ANO2: variants seen among roughly 807,000 people sequenced by gnomAD.
The protein encoded by ANO2 is anoctamin 2.
ANO2 carries 101 observed loss-of-function variants against 124.2 expected under a neutral mutation model. The observed-to-expected ratio is 0.81, with a 90% CI of 0.69 to 0.96. ANO2 has a LOEUF of 0.96. Ranked by LOEUF, ANO2 falls within the 40% of genes least tolerant of loss-of-function variation. ANO2 has a pLI of 0.00. For synonymous variants in ANO2, 486 were observed against 482.5 expected, an observed-to-expected ratio of 1.01 and a Z score of -0.09; for missense variants, 1,293 against 1,274.5, an observed-to-expected ratio of 1.01 and a Z score of -0.22.
chr12:5,592,299 C>T (rs1005617425), intron 20 of ANO2, among the ~76,000 whole-genome samples: 9 of 152,122 alleles, frequency 5.9e-5, no homozygotes, highest in African/African-American at 2.2e-4. Context: ...GTCCCCAAAG[C>T]ACTCACATGT....
chr12:5,650,254 T>G (rs17723439), intron 14 of ANO2, among the ~76,000 whole-genome samples: 6,966 of 152,252 alleles, frequency 0.046, 207 homozygotes, highest in Non-Finnish European at 0.057. Flanking sequence ...CTAAACCAGA[T>G]TAGGAAGGTG....
intron 15 of ANO2, among the ~76,000 whole-genome samples, chr12:5,638,237 C>CTTTTTCTTTTTTTT: frequency 8.0e-6 from 1 of 124,868 alleles, no homozygotes; most frequent in East Asian, 2.7e-4. Context: ...GTTTCTTTTC[C>CTTTTTCTTTTTTTT]TTTTTTTTTT....
At chr12:5,884,405 C>A (rs1378909084) in intron 3 of ANO2, among the ~76,000 whole-genome samples, 9 of 152,232 alleles carry the variant, frequency 5.9e-5, no homozygotes, top group Non-Finnish European at 1.3e-4. Flanking sequence ...TCCCCTTCCC[C>A]CATGGCCCTA....
chr12:5,733,152 C>A, intron 13 of ANO2: 1 of 543,622 alleles, frequency 1.8e-6, no homozygotes, highest in Non-Finnish European at 3.3e-6. Context: ...CAATAAACAT[C>A]AAAGTCAAGG....
At chr12:5,666,099 T>G (rs1482588154) in intron 14 of ANO2, among the ~76,000 whole-genome samples, 2 of 152,220 alleles carry the variant, frequency 1.3e-5, no homozygotes, top group Admixed American at 1.3e-4. Flanking sequence ...ATCCTGGACA[T>G]GCCAGGTCAG....
At chr12:5,804,413 G>A (rs924374714) in intron 9 of ANO2, among the ~76,000 whole-genome samples, 8 of 152,086 alleles carry the variant, frequency 5.3e-5, no homozygotes, top group Non-Finnish European at 1.0e-4. Context: ...TTCTCTCCTG[G>A]CTAGGTATCA....
intron 19 of ANO2, among the ~76,000 whole-genome samples, chr12:5,606,768 GCA>G (rs142578167): frequency 6.6e-6 from 1 of 151,904 alleles, no homozygotes; most frequent in African/African-American, 2.4e-5. Context: ...ACACATACAT[GCA>G]CACACACACA....
intron 16 of ANO2, among the ~76,000 whole-genome samples, chr12:5,634,405 A>G (rs1435934701): frequency 6.6e-6 from 1 of 152,188 alleles, no homozygotes; most frequent in Admixed American, 6.5e-5. Context: ...GCTCCTCGTT[A>G]CTAGGGTCAG....
At position 5,615,121 on chromosome 12, in the gene ANO2, C is replaced by T. The variant is rs1383895272; in HGVS notation, c.1928+65G>A. On this transcript the variant is annotated intron_variant, in intron 17 of 24. Coordinates refer to ENST00000682330, the MANE Select transcript of ANO2 (RefSeq NM_001364791.2). ...ATGGGGACAGGCTGACCCTATTGTC[C>T]TGACAGTAGAGAACCCAGTCTTAGT... 16 of 1,339,174 alleles carry T rather than the reference C, an allele frequency of 1.2e-5. No individual in the cohort carries two copies. In the African/African-American group the frequency reaches 1.6e-4, roughly 13 times the overall value. 83.0% of individuals were successfully genotyped at this position (1,339,174 alleles called of 1,614,324 possible).
chr12:5,878,635 A>T (rs1166860903), intron 3 of ANO2, among the ~76,000 whole-genome samples: 2 of 152,250 alleles, frequency 1.3e-5, no homozygotes, highest in Non-Finnish European at 2.9e-5. Flanking sequence ...ACAAACAAAT[A>T]ACATAGTACC....
At chr12:5,782,561 C>T (rs550237815) in intron 10 of ANO2, among the ~76,000 whole-genome samples, 1 of 152,198 alleles carries the variant, frequency 6.6e-6, no homozygotes, top group South Asian at 2.1e-4. Flanking sequence ...CATCTGAAAA[C>T]AATTATTATA....
chr12:5,713,801 C>A (rs1949909526), intron 14 of ANO2, among the ~76,000 whole-genome samples: 2 of 152,196 alleles, frequency 1.3e-5, no homozygotes, highest in South Asian at 4.2e-4. Flanking sequence ...ATCTTGAATC[C>A]TCTGTCTACC....
rs575509126 is a variant in ANO2, at chr12:5,888,080, G to A, written c.534+32960C>T. 2.5e-3 allele frequency among the ~76,000 whole-genome samples: 377 copies of A among 152,274 alleles called. 3 individuals carry two copies. Among genetic ancestry groups the A allele is most frequent in the African/African-American group, 8.7e-3 (363 of 41,562 alleles). ...CGCAGTGAGTGTTACAGTTCTTAAAGGCGGGGTGTCCGGAGTCTGTTCCTT... is the reference window on the plus strand; with the variant it reads ...CGCAGTGAGTGTTACAGTTCTTAAAAGCGGGGTGTCCGGAGTCTGTTCCTT... On this transcript the variant is annotated intron_variant, in intron 3 of 24. Transcript: ENST00000682330.
chr12:5,692,966 G>A (rs939135545), intron 14 of ANO2, among the ~76,000 whole-genome samples: 3 of 152,076 alleles, frequency 2.0e-5, no homozygotes, highest in Non-Finnish European at 2.9e-5. Context: ...CATGTTCCTC[G>A]CATGACCCCC....
chr12:5,690,284 C>G (rs533167112), intron 14 of ANO2, among the ~76,000 whole-genome samples: 1 of 152,150 alleles, frequency 6.6e-6, no homozygotes. Flanking sequence ...TGAAATTTCC[C>G]TCCTCTGAGC....
intron 3 of ANO2, among the ~76,000 whole-genome samples, chr12:5,902,625 AGG>A (rs1365864152): frequency 6.1e-4 from 1 of 1,646 alleles, no homozygotes; most frequent in Non-Finnish European, 1.5e-3. Context: ...AGGGGAGGGG[AGG>A]GGAGGGGAGG....
At chr12:5,707,152 G>A (rs983836158) in intron 14 of ANO2, among the ~76,000 whole-genome samples, 2 of 152,174 alleles carry the variant, frequency 1.3e-5, no homozygotes, top group Non-Finnish European at 2.9e-5. Flanking sequence ...TCTCATGACA[G>A]TGAGGAGTTC....
chr12:5,683,335 G>T (rs1948580058), intron 14 of ANO2, among the ~76,000 whole-genome samples: 1 of 152,194 alleles, frequency 6.6e-6, no homozygotes, highest in Non-Finnish European at 1.5e-5. Flanking sequence ...AAGCAGGGAT[G>T]AAGTGGCAGA....
intron 3 of ANO2, among the ~76,000 whole-genome samples, chr12:5,896,136 G>A (rs1939768586): frequency 6.6e-6 from 1 of 152,004 alleles, no homozygotes; most frequent in South Asian, 2.1e-4. Flanking sequence ...TGGAAGGGGG[G>A]TGAGGTATAA....
Sources: allele counts gnomAD v4.1 joint callset (sites outside exome capture counted in the v4.1 genomes callset), GRCh38; gene constraint gnomAD v4.1.1; transcripts MANE v1.5; gene names NCBI Gene and HGNC (gene_info 2026-07-23, HGNC 2026-07-21).